The following TRIM66 variants were observed in gnomAD, a reference collection of about 807,000 sequenced individuals.
TRIM66 encodes tripartite motif-containing protein 66.
A neutral mutation model predicts 148.2 loss-of-function variants in TRIM66; 99 were observed. The ratio of observed to expected loss-of-function variants is 0.67; its 90% CI spans 0.57 to 0.79. The LOEUF (loss-of-function observed/expected upper bound fraction) is 0.79. TRIM66 is among the 30% of genes least tolerant of loss of function. The pLI, the probability that TRIM66 is intolerant of heterozygous loss-of-function variation, is 0.00. For synonymous variants in TRIM66, 616 were observed against 635.9 expected (o/e 0.97, Z 0.47); for missense variants, 1,666 against 1,697.9 (o/e 0.98, Z 0.33).
At chr11:8,622,363 C>CATAT (rs1201366239) in intron 18 of TRIM66, among the ~76,000 whole-genome samples, 4 of 55,350 alleles carry the variant, frequency 7.2e-5, no homozygotes, top group African/African-American at 2.3e-4. Context: ...CACACACACA[C>CATAT]ACATATATAT....
At chr11:8,626,871 C>T (rs555873501) in intron 15 of TRIM66, among the ~76,000 whole-genome samples, 5 of 152,210 alleles carry the variant, frequency 3.3e-5, no homozygotes, top group African/African-American at 1.2e-4. Flanking sequence ...TCATTTTTTC[C>T]AGTTCCTGAA....
chr11:8,640,125 C>T, intron 14 of TRIM66, 102 bp downstream of exon 14: 1 of 1,211,956 alleles, frequency 8.3e-7, no homozygotes, highest in Non-Finnish European at 1.1e-6. Context: ...CCCTAAGGTG[C>T]AGAAACTGTA....
chr11:8,660,969 G>A (rs996239930), intron 6 of TRIM66, among the ~76,000 whole-genome samples: 5 of 152,264 alleles, frequency 3.3e-5, no homozygotes, highest in African/African-American at 1.2e-4. Flanking sequence ...ACCAGATTAT[G>A]AAAAGACTTG....
chr11:8,647,916 G>A, intron 10 of TRIM66, 54 bp downstream of exon 10: 1 of 1,390,154 alleles, frequency 7.2e-7, no homozygotes, highest in South Asian at 1.2e-5. Flanking sequence ...TTGGAACCCT[G>A]GGTGTGCGGG....
In TRIM66 at chr11:8,621,107, T is replaced by G. The variant is rs890855755; in HGVS notation, c.3470A>C (p.Glu1157Ala). The change falls in exon 20 of 25, where the codon GAG becomes GCG. Residue 1157 changes from glutamate to alanine, a missense_variant. By Grantham distance (107) the Glu-to-Ala change is moderately radical. Coordinates refer to ENST00000646038, the MANE Select transcript of TRIM66 (RefSeq NM_001388022.1). ...DFCAVCLNGGELLCCDRCPKV... is the reference protein window; with the variant it reads ...DFCAVCLNGGALLCCDRCPKV... The stretch of plus-strand genomic sequence containing the variant: ...GGGGCAGCGGTCACAGCACAGTAAC[T>G]CTCCGCCATTGAGGCAAACAGCACA... The G allele has an allele frequency of 3.9e-6, 6 of 1,551,514 alleles. No homozygotes were observed. The African/African-American group carries it at 8.2e-5, about 21-fold the overall frequency.
chr11:8,651,264 T>C (rs530357294), intron 7 of TRIM66, among the ~76,000 whole-genome samples: 1 of 152,180 alleles, frequency 6.6e-6, no homozygotes, highest in South Asian at 2.1e-4. Context: ...GTAAGTAAAT[T>C]AGTAAATTAC....
At chr11:8,624,247 T>C (rs1387079130) in intron 17 of TRIM66, 112 bp downstream of exon 17, 7 of 1,208,508 alleles carry the variant, frequency 5.8e-6, no homozygotes, top group African/African-American at 1.6e-5. Context: ...CTCAGAGAGA[T>C]GCACTGCTTC....
Position 8,612,903 on chromosome 11 carries a change from G to A in TRIM66, c.*5041C>T, listed in dbSNP as rs2033483360. The stretch of plus-strand genomic sequence containing the variant: ...AGCTGCCCACCAGCCTGGTAATCCA[G>A]TTTAGCCAGACTGCGGCCTGGATGC... On this transcript the variant is annotated 3_prime_UTR_variant, in exon 25 of 25. Transcript: ENST00000646038. 6.6e-6 allele frequency: 1 copy of A among 152,322 alleles called. No individual in the cohort carries two copies. The highest frequency in any genetic ancestry group is 2.4e-5 in the African/African-American group (1 of 41,458). The allele number at this position is 152,322 out of a possible 1,614,324, so 9.4% of individuals were successfully genotyped here.
intron 15 of TRIM66, among the ~76,000 whole-genome samples, chr11:8,629,156 C>G (rs2035153938): frequency 6.6e-6 from 1 of 152,108 alleles, no homozygotes; most frequent in Non-Finnish European, 1.5e-5. Flanking sequence ...TCAAACATGC[C>G]CAGGCCTGCA....
rs2033809393 is a variant in TRIM66, at chr11:8,617,701, C to T, written c.*243G>A. The T allele has an allele frequency of 2.0e-6, 1 of 512,332 alleles. No individual in the cohort carries two copies. The highest frequency in any genetic ancestry group is 1.9e-5 in the African/African-American group (1 of 52,604). The allele number at this position is 512,332 out of a possible 1,614,324, so 31.7% of individuals were successfully genotyped here. A position where few individuals can be genotyped will look rare whatever the true frequency, so the allele number is the denominator to read the frequency against. On this transcript the variant is annotated 3_prime_UTR_variant, in exon 25 of 25. Coordinates refer to ENST00000646038, the MANE Select transcript of TRIM66 (RefSeq NM_001388022.1). The stretch of plus-strand genomic sequence containing the variant: ...GTCTTGTCAAGTGGAGCCTATACAT[C>T]TGATTACTCTGGTAATAATAAATAC...
chr11:8,637,819 G>A (rs74962084), intron 15 of TRIM66, among the ~76,000 whole-genome samples: 88 of 152,196 alleles, frequency 5.8e-4, no homozygotes, highest in South Asian at 1.5e-3. Flanking sequence ...AGACAATAGC[G>A]TAAGTGAAAC....
intron 21 of TRIM66, 54 bp from the exon 22 acceptor site, chr11:8,620,178 T>G (rs1015895106): frequency 2.0e-6 from 3 of 1,500,260 alleles, no homozygotes; most frequent in Admixed American, 3.9e-5. Flanking sequence ...CACCTCAGTA[T>G]GAACTAAAGA....
At chr11:8,623,907 C>T (rs181241164) in intron 17 of TRIM66, among the ~76,000 whole-genome samples, 4 of 152,276 alleles carry the variant, frequency 2.6e-5, no homozygotes, top group East Asian at 1.9e-4. Flanking sequence ...GAAGTAGGTG[C>T]GATTGGCCCC....
intron 4 of TRIM66, among the ~76,000 whole-genome samples, chr11:8,673,120 T>C (rs558328682): frequency 1.9e-4 from 28 of 150,180 alleles, no homozygotes; most frequent in Admixed American, 1.1e-3. Flanking sequence ...TTTTGTATTT[T>C]TAGTAGAGAC....
At position 8,640,615 on chromosome 11, in the gene TRIM66, T is replaced by C; in HGVS notation, c.1760A>G (p.Gln587Arg). ...PSIQVQFGHH[Q>R]KLKLSHFQQQ... ...CTGAAAGTGACTGAGCTTCAGCTTC[T>C]GGTGGTGGCCAAACTGGACTTGGAT... The change falls in exon 14 of 25, where the codon CAG becomes CGG. Residue 587 changes from glutamine (Q) to arginine (R), a missense_variant. This residue lies in a region of TRIM66 where 1,431 missense variants were observed against 1,412.4 expected (regional missense o/e 1.01). Transcript: ENST00000646038. 2 of 1,551,538 alleles carry C rather than the reference T, an allele frequency of 1.3e-6. No homozygotes were observed. Among genetic ancestry groups the C allele is most frequent in the Non-Finnish European group, 1.7e-6 (2 of 1,146,954 alleles).
At chr11:8,646,255 T>C (rs915811557) in intron 11 of TRIM66, among the ~76,000 whole-genome samples, 192 bp downstream of exon 11, 1 of 152,106 alleles carries the variant, frequency 6.6e-6, no homozygotes, top group South Asian at 2.1e-4. Flanking sequence ...AAAAATCAGT[T>C]TGAACTGATT....
intron 15 of TRIM66, among the ~76,000 whole-genome samples, chr11:8,631,988 G>T (rs1248315812): frequency 1.3e-5 from 2 of 152,166 alleles, no homozygotes; most frequent in Non-Finnish European, 1.5e-5. Context: ...TTGTGTCTAG[G>T]AAACACACTG....
At position 8,638,803 on chromosome 11, in the gene TRIM66, G is replaced by A. The variant is rs1298465757; in HGVS notation, c.2161C>T (p.Pro721Ser). ...QEETLQATDEPPASQGSKPAL... is the reference protein window; with the variant it reads ...QEETLQATDESPASQGSKPAL... ...GGCTTTGAGCCCTGAGATGCTGGGG[G>A]CTCATCTGTAGCCTGGAGAAGAAAA... is the stretch of plus-strand genomic sequence containing the variant. The change falls in exon 15 of 25, where the codon CCC (proline) becomes TCC (serine). Residue 721 changes from proline to serine, a missense_variant. Transcript: ENST00000646038. 2.6e-6 allele frequency: 4 copies of A among 1,551,176 alleles called. No individual in the cohort carries two copies. The highest frequency in any genetic ancestry group is 3.5e-6 in the Non-Finnish European group (4 of 1,146,878).
intron 18 of TRIM66, 109 bp from the exon 19 acceptor site, chr11:8,621,928 TGATTG>T: frequency 3.6e-6 from 4 of 1,106,150 alleles, no homozygotes; most frequent in South Asian, 3.7e-5. Flanking sequence ...AGTGTCAACT[TGATTG>T]GATTGAAGGA....
Sources: allele counts gnomAD v4.1 joint callset (sites outside exome capture counted in the v4.1 genomes callset), GRCh38; gene constraint gnomAD v4.1.1; regional missense constraint gnomAD v4.1.1; transcripts MANE v1.5; gene names NCBI Gene and HGNC (gene_info 2026-07-23, HGNC 2026-07-21).